EMSY: variants seen among roughly 807,000 people sequenced by gnomAD.
EMSY encodes the protein EMSY transcriptional repressor, BRCA2 interacting.
A neutral mutation model predicts 134.6 loss-of-function variants in EMSY; 26 were observed. The observed-to-expected ratio is 0.19, with a 90% CI of 0.14 to 0.27. The LOEUF (loss-of-function observed/expected upper bound fraction) is 0.27, where lower values mean the gene tolerates loss of function less well. EMSY is among the 10% of genes least tolerant of loss of function. EMSY has a pLI of 1.00. For synonymous variants in EMSY, 579 were observed against 577.8 expected (o/e 1.00, Z -0.03); for missense variants, 1,305 against 1,611.4 (o/e 0.81, Z 3.26).
chr11:76,462,750 A>G (rs932443595), intron 6 of EMSY, among the ~76,000 whole-genome samples: 1 of 152,204 alleles, frequency 6.6e-6, no homozygotes, highest in Non-Finnish European at 1.5e-5. Context: ...ATAGGGGTAC[A>G]TGGGGTTGGA....
At chr11:76,489,358 A>G (rs1310126002) in intron 8 of EMSY, among the ~76,000 whole-genome samples, 1 of 147,232 alleles carries the variant, frequency 6.8e-6, no homozygotes, top group Non-Finnish European at 1.5e-5. Context: ...TCAGTTACTG[A>G]AAGGGAAGTG....
intron 10 of EMSY, among the ~76,000 whole-genome samples, chr11:76,513,844 A>G (rs1159384243): frequency 1.3e-5 from 2 of 152,144 alleles, no homozygotes; most frequent in Non-Finnish European, 2.9e-5. Context: ...AAGGGACCAT[A>G]TCCTTTTTAT....
chr11:76,454,670 A>T, intron 4 of EMSY, 79 bp from the exon 5 acceptor site: 2 of 896,260 alleles, frequency 2.2e-6, no homozygotes, highest in Non-Finnish European at 3.3e-6. Context: ...TGGGGCAACT[A>T]GTTGTAAGTT....
intron 17 of EMSY, among the ~76,000 whole-genome samples, chr11:76,541,506 T>C (rs1267221004): frequency 6.6e-6 from 1 of 152,222 alleles, no homozygotes; most frequent in Non-Finnish European, 1.5e-5. Flanking sequence ...AAGCCTTTAT[T>C]ATCCCATTAA....
intron 8 of EMSY, among the ~76,000 whole-genome samples, chr11:76,482,467 A>G (rs1434797293): frequency 2.0e-5 from 3 of 152,204 alleles, no homozygotes; most frequent in African/African-American, 7.2e-5. Context: ...CTAAGGGAAC[A>G]TGTTCTAACC....
At chr11:76,459,426 T>G (rs1948016062) in intron 5 of EMSY, 1 of 153,852 alleles carries the variant, frequency 6.5e-6, no homozygotes, top group Admixed American at 6.4e-5. Flanking sequence ...ATGTTGTCAT[T>G]ATTTTAGTTG....
intron 9 of EMSY, among the ~76,000 whole-genome samples, chr11:76,505,326 G>A (rs1156416928): frequency 6.6e-6 from 1 of 150,640 alleles, no homozygotes; most frequent in Non-Finnish European, 1.5e-5. Context: ...CTCCCAAGTA[G>A]CTGGGATTAC....
At chr11:76,472,507 C>T (rs1948613637) in intron 7 of EMSY, 57 bp from the exon 9 acceptor site, 2 of 1,468,990 alleles carry the variant, frequency 1.4e-6, no homozygotes, top group Admixed American at 1.8e-5. Context: ...AACTGTGAGT[C>T]TAGATACATT....
intron 7 of EMSY, among the ~76,000 whole-genome samples, chr11:76,470,216 CT>C (rs575440782): frequency 2.0e-5 from 3 of 152,190 alleles, no homozygotes; most frequent in African/African-American, 7.2e-5. Context: ...AGAATTTTCC[CT>C]TAAATTCTTT....
At chr11:76,530,744 G>A (rs762587196) in intron 14 of EMSY, among the ~76,000 whole-genome samples, 21 of 152,040 alleles carry the variant, frequency 1.4e-4, no homozygotes, top group Admixed American at 3.3e-4. Flanking sequence ...ACAAAGACTA[G>A]GTCTGGGAAT....
chr11:76,485,818 T>G (rs1288647248), intron 8 of EMSY, among the ~76,000 whole-genome samples: 1 of 152,218 alleles, frequency 6.6e-6, no homozygotes, highest in Non-Finnish European at 1.5e-5. Context: ...ATAAATTAGT[T>G]CAATGATTGT....
At chr11:76,459,223 T>A (rs973660512) in intron 5 of EMSY, 1 of 152,222 alleles carries the variant, frequency 6.6e-6, no homozygotes, top group Non-Finnish European at 1.5e-5. Flanking sequence ...ATTTCCTAGC[T>A]GTATGACCTC....
intron 17 of EMSY, among the ~76,000 whole-genome samples, chr11:76,541,168 G>A (rs139120259): frequency 6.6e-6 from 1 of 152,340 alleles, no homozygotes; most frequent in African/African-American, 2.4e-5. Flanking sequence ...GGAAGTTGCA[G>A]TGAACAGAGA....
At chr11:76,541,100 C>T (rs1247638759) in intron 17 of EMSY, among the ~76,000 whole-genome samples, 1 of 152,308 alleles carries the variant, frequency 6.6e-6, no homozygotes, top group Non-Finnish European at 1.5e-5. Flanking sequence ...GTGGTGCACA[C>T]ATGTAATCCC....
chr11:76,545,063 T>G lies in EMSY; in HGVS notation c.3273+241T>G, dbSNP rs144012904. ...AAAACTTGATTTTTCAGGCAGTTTT[T>G]ATTGAAATCACTTCAGCATTGACCA... On this transcript the variant is annotated intron_variant, in intron 19 of 20. Transcript: ENST00000334736. 2.5e-3 allele frequency among the ~76,000 whole-genome samples: 381 copies of G among 152,334 alleles called. 1 individual carries two copies. The highest frequency in any genetic ancestry group is 8.4e-3 in the African/African-American group (348 of 41,568).
At chr11:76,528,579 C>CT in intron 14 of EMSY, 113 bp downstream of exon 15, 3 of 472,614 alleles carry the variant, frequency 6.3e-6, no homozygotes, top group Non-Finnish European at 1.0e-5. Context: ...TCTATCAATT[C>CT]TTTTCCTTTT....
chr11:76,482,101 C>A (rs1270858686), intron 8 of EMSY, among the ~76,000 whole-genome samples: 1 of 152,130 alleles, frequency 6.6e-6, no homozygotes, highest in Non-Finnish European at 1.5e-5. Flanking sequence ...GATACCCAGG[C>A]AAACAGGGTC....
At chr11:76,514,710 C>T (rs1344155277) in intron 10 of EMSY, among the ~76,000 whole-genome samples, 2 of 152,088 alleles carry the variant, frequency 1.3e-5, no homozygotes, top group African/African-American at 2.4e-5. Context: ...TTTCATCTTC[C>T]GAAACTGAAA....
intron 20 of EMSY, among the ~76,000 whole-genome samples, chr11:76,549,276 A>G (rs1182607077): frequency 6.6e-6 from 1 of 152,212 alleles, no homozygotes; most frequent in African/African-American, 2.4e-5. Flanking sequence ...GCTGGTAGCC[A>G]TGGTAGGGTG....
Sources: allele counts gnomAD v4.1 joint callset (sites outside exome capture counted in the v4.1 genomes callset), GRCh38; gene constraint gnomAD v4.1.1; transcripts MANE v1.5; gene names NCBI Gene and HGNC (gene_info 2026-07-23, HGNC 2026-07-21).